The following IGSF23 variants were observed in gnomAD, a reference collection of about 807,000 sequenced individuals.
IGSF23 encodes the protein immunoglobulin superfamily member 23, also known as immunoglobulin superfamily, member 23.
Under a neutral mutation model 17.8 loss-of-function variants are expected in IGSF23, and 14 were observed. The ratio of observed to expected loss-of-function variants is 0.79; its 90% CI spans 0.52 to 1.23. The LOEUF (loss-of-function observed/expected upper bound fraction) is 1.23, where lower values mean the gene tolerates loss of function less well. IGSF23 is among the 50% of genes most tolerant of loss of function. The pLI is 0.00. For synonymous variants in IGSF23, 85 were observed against 92.5 expected (o/e 0.92, Z 0.46); for missense variants, 214 against 241.7 (o/e 0.89, Z 0.76).
In IGSF23 at chr19:44,616,834, A is replaced by AAT. The variant is rs146449003; in HGVS notation, c.125+3075_125+3076dup. 6.0e-5 allele frequency among the ~76,000 whole-genome samples: 9 copies of AAT among 151,056 alleles called. No homozygotes were observed. In the South Asian group the frequency reaches 8.3e-4, roughly 14 times the overall value. ...TCTGCTATAAAAATGGAAATAAATAAATATATATATATGAGTATATATGAG... is the reference window on the plus strand; with the variant it reads ...TCTGCTATAAAAATGGAAATAAATAAATATATATATATATGAGTATATATGAG... On this transcript the variant is annotated intron_variant, in intron 1 of 4. Transcript: ENST00000402988.
intron 1 of IGSF23, among the ~76,000 whole-genome samples, chr19:44,617,208 GC>G (rs1421238603): frequency 7.6e-6 from 1 of 132,264 alleles, no homozygotes; most frequent in African/African-American, 3.0e-5. Context: ...CAACACACCG[GC>G]CTACTCTTAT....
At chr19:44,614,614 T>C (rs1972328063) in intron 1 of IGSF23, among the ~76,000 whole-genome samples, 1 of 151,996 alleles carries the variant, frequency 6.6e-6, no homozygotes, top group African/African-American at 2.4e-5. Context: ...TTATTTTTAG[T>C]AGAGATGAGG....
intron 3 of IGSF23, among the ~76,000 whole-genome samples, chr19:44,631,922 C>T (rs1972776240): frequency 6.6e-6 from 1 of 152,206 alleles, no homozygotes; most frequent in Non-Finnish European, 1.5e-5. Context: ...GAACATGTCA[C>T]AGTGCCACAG....
chr19:44,631,095 A>AAT (rs1555758164), intron 3 of IGSF23, among the ~76,000 whole-genome samples: 2 of 150,322 alleles, frequency 1.3e-5, no homozygotes, highest in African/African-American at 2.4e-5. Context: ...GTCTCTACAA[A>AAT]AAAAAAAAAA....
At chr19:44,618,316 T>A in intron 1 of IGSF23, 2 of 389,362 alleles carry the variant, frequency 5.1e-6, no homozygotes, top group South Asian at 3.8e-5. Context: ...CAAGGCAGCC[T>A]GGTCATTAGA....
chr19:44,635,336 CGAT>C, intron 3 of IGSF23, 62 bp from the exon 4 acceptor site: 1 of 1,261,352 alleles, frequency 7.9e-7, no homozygotes. Flanking sequence ...ATAATTCAGT[CGAT>C]GATTCTTATT....
chr19:44,621,142 G>A (rs1349992523), intron 1 of IGSF23, among the ~76,000 whole-genome samples: 1 of 151,534 alleles, frequency 6.6e-6, no homozygotes, highest in Non-Finnish European at 1.5e-5. Context: ...AATTAGCCAA[G>A]CCTGGTGATG....
intron 3 of IGSF23, among the ~76,000 whole-genome samples, chr19:44,634,951 T>A (rs768179191): frequency 2.0e-5 from 3 of 151,994 alleles, no homozygotes; most frequent in Non-Finnish European, 1.5e-5. Context: ...CTCAGCCATG[T>A]GATGATGATG....
At chr19:44,613,906 C>T in intron 1 of IGSF23, 136 bp downstream of exon 1, 1 of 1,548,428 alleles carries the variant, frequency 6.5e-7, no homozygotes, top group Non-Finnish European at 8.7e-7. Flanking sequence ...CTTCTCTGCA[C>T]AGTCCCTGGA....
At chr19:44,624,573 C>A (rs951764610) in intron 2 of IGSF23, among the ~76,000 whole-genome samples, 4 of 152,078 alleles carry the variant, frequency 2.6e-5, no homozygotes, top group African/African-American at 9.7e-5. Flanking sequence ...ACATGAGCCA[C>A]CTCGCCCAGC....
intron 4 of IGSF23, among the ~76,000 whole-genome samples, 185 bp downstream of exon 4, chr19:44,635,650 C>G (rs756663923): frequency 6.6e-6 from 1 of 152,180 alleles, no homozygotes; most frequent in Non-Finnish European, 1.5e-5. Context: ...AGCACCCCAT[C>G]TGCCCAGCTC....
chr19:44,617,465 T>C (rs1972409761), intron 1 of IGSF23, among the ~76,000 whole-genome samples: 1 of 152,230 alleles, frequency 6.6e-6, no homozygotes. Flanking sequence ...AATGCATATG[T>C]TAATTAGCTC....
chr19:44,631,720 G>A (rs1013488109), intron 3 of IGSF23, among the ~76,000 whole-genome samples: 5 of 152,206 alleles, frequency 3.3e-5, no homozygotes, highest in Non-Finnish European at 7.3e-5. Context: ...GCAAAGGGAT[G>A]GGCTGAAATA....
At chr19:44,622,889 AG>A (rs1972551485) in intron 1 of IGSF23, among the ~76,000 whole-genome samples, 1 of 152,188 alleles carries the variant, frequency 6.6e-6, no homozygotes, top group African/African-American at 2.4e-5. Flanking sequence ...CTGCTTCTTC[AG>A]GACTCTGCTC....
intron 1 of IGSF23, among the ~76,000 whole-genome samples, chr19:44,617,310 T>C (rs1027140226): frequency 1.3e-5 from 2 of 151,750 alleles, no homozygotes; most frequent in African/African-American, 4.8e-5. Context: ...GTGACGAAAA[T>C]GTCCTTAAAT....
At chr19:44,615,185 A>C (rs1167572968) in intron 1 of IGSF23, among the ~76,000 whole-genome samples, 4 of 152,130 alleles carry the variant, frequency 2.6e-5, no homozygotes, top group African/African-American at 9.7e-5. Flanking sequence ...GCTACTCAGA[A>C]GGCTGAGGCA....
intron 1 of IGSF23, among the ~76,000 whole-genome samples, chr19:44,614,744 C>T (rs1303592035): frequency 6.6e-6 from 1 of 152,084 alleles, no homozygotes; most frequent in Admixed American, 6.5e-5. Flanking sequence ...TCAGCCCGTT[C>T]TAAGTGCTTT....
In IGSF23 at chr19:44,627,592, C is replaced by G; in HGVS notation, c.545+19C>G. 1 of 1,540,356 alleles carries G rather than the reference C, an allele frequency of 6.5e-7. No individual in the cohort carries two copies. The highest frequency in any genetic ancestry group is 8.8e-7 in the Non-Finnish European group (1 of 1,139,812). On this transcript the variant is annotated intron_variant, in intron 3 of 4. Coordinates refer to ENST00000402988, the MANE Select transcript of IGSF23 (RefSeq NM_001205280.2). Reference sequence around the variant, plus strand: ...GCCTAAGGTACCTCTATCCCTCACCCCCGTCCACTGGGCAACATCCACTCA... The same window carrying G: ...GCCTAAGGTACCTCTATCCCTCACCGCCGTCCACTGGGCAACATCCACTCA...
intron 3 of IGSF23, among the ~76,000 whole-genome samples, chr19:44,631,073 AGCGAG>A (rs1972754409): frequency 1.4e-5 from 2 of 138,044 alleles, no homozygotes; most frequent in South Asian, 4.9e-4. Flanking sequence ...TGGGCAGCAT[AGCGAG>A]ACTCATGTCT....
Sources: gnomAD v4.1 joint callset for allele counts (sites outside exome capture counted in the v4.1 genomes callset) on GRCh38, gnomAD v4.1.1 for gene constraint, MANE v1.5 for transcripts, NCBI Gene and HGNC (gene_info 2026-07-23, HGNC 2026-07-21) for gene names.